The following RABGAP1L variants were observed in gnomAD, a reference collection of about 807,000 sequenced individuals.
RABGAP1L encodes rab GTPase-activating protein 1-like.
A neutral mutation model predicts 137.7 loss-of-function variants in RABGAP1L; 63 were observed. That is an observed-to-expected ratio of 0.46 (90% CI 0.37 to 0.56). The LOEUF is 0.56. Ranked by LOEUF, RABGAP1L falls within the 20% of genes least tolerant of loss-of-function variation. The pLI is 0.00. For missense variants in RABGAP1L, 1,095 were observed against 1,244.0 expected (o/e 0.88, Z 1.80); for synonymous variants, 431 against 433.7 (o/e 0.99, Z 0.08).
intron 18 of RABGAP1L, among the ~76,000 whole-genome samples, chr1:174,764,698 A>G (rs1400439503): frequency 6.6e-6 from 1 of 152,140 alleles, no homozygotes; most frequent in Non-Finnish European, 1.5e-5. Flanking sequence ...GCAACCTCCA[A>G]TTCCTAGACT....
intron 13 of RABGAP1L, among the ~76,000 whole-genome samples, chr1:174,420,704 T>G (rs1234390850): frequency 6.7e-6 from 1 of 149,502 alleles, no homozygotes; most frequent in East Asian, 1.9e-4. Flanking sequence ...AGACGGAGTC[T>G]TGCTCTGTCA....
At chr1:174,195,976 C>T (rs534212670) in intron 1 of RABGAP1L, among the ~76,000 whole-genome samples, 3 of 150,354 alleles carry the variant, frequency 2.0e-5, no homozygotes, top group Non-Finnish European at 4.4e-5. Context: ...GCTGGGATTA[C>T]AGGCATGCAC....
intron 19 of RABGAP1L, among the ~76,000 whole-genome samples, chr1:174,953,985 C>T (rs1055967742): frequency 8.5e-5 from 13 of 152,232 alleles, no homozygotes; most frequent in East Asian, 3.9e-4. Flanking sequence ...TCCGTGGGGA[C>T]GGTCCCCCTG....
intron 13 of RABGAP1L, among the ~76,000 whole-genome samples, chr1:174,486,203 T>C (rs1659616973): frequency 6.8e-6 from 1 of 147,928 alleles, no homozygotes; most frequent in African/African-American, 2.6e-5. Flanking sequence ...CCTCTGATTC[T>C]ATTTATTTGG....
chr1:174,190,105 C>A (rs573861409), intron 1 of RABGAP1L, among the ~76,000 whole-genome samples: 1 of 152,182 alleles, frequency 6.6e-6, no homozygotes, highest in East Asian at 1.9e-4. Flanking sequence ...GGGATGAAGA[C>A]CATCCTGGCC....
intron 13 of RABGAP1L, among the ~76,000 whole-genome samples, chr1:174,437,454 G>C (rs1236446364): frequency 1.3e-5 from 2 of 152,156 alleles, no homozygotes; most frequent in African/African-American, 4.8e-5. Flanking sequence ...CGATCAACTG[G>C]AAGAAAGGGT....
At chr1:174,194,447 G>A (rs1219110062) in intron 1 of RABGAP1L, among the ~76,000 whole-genome samples, 1 of 152,092 alleles carries the variant, frequency 6.6e-6, no homozygotes. Context: ...TGTTGGCCAT[G>A]CTGGTCTCAA....
At chr1:174,608,315 C>T (rs754419182) in intron 13 of RABGAP1L, among the ~76,000 whole-genome samples, 1 of 152,088 alleles carries the variant, frequency 6.6e-6, no homozygotes, top group Non-Finnish European at 1.5e-5. Flanking sequence ...GCCCCTACTA[C>T]ATTTAGGGTA....
At chr1:174,932,485 G>T (rs1405297941) in intron 19 of RABGAP1L, among the ~76,000 whole-genome samples, 1 of 151,980 alleles carries the variant, frequency 6.6e-6, no homozygotes. Flanking sequence ...AAGTGATGCT[G>T]TTTTTCTCAT....
intron 19 of RABGAP1L, among the ~76,000 whole-genome samples, chr1:174,943,877 G>T (rs1192233547): frequency 1.3e-5 from 2 of 152,132 alleles, no homozygotes; most frequent in East Asian, 1.9e-4. Context: ...CTCCTCCAGG[G>T]GATAGACTGT....
At chr1:174,708,842 AG>A (rs1680258972) in intron 17 of RABGAP1L, among the ~76,000 whole-genome samples, 1 of 152,176 alleles carries the variant, frequency 6.6e-6, no homozygotes, top group African/African-American at 2.4e-5. Flanking sequence ...TCCCCTGGAA[AG>A]GGGGCTGAAG....
At chr1:174,934,585 G>A (rs1295472114) in intron 19 of RABGAP1L, among the ~76,000 whole-genome samples, 1 of 151,996 alleles carries the variant, frequency 6.6e-6, no homozygotes, top group Non-Finnish European at 1.5e-5. Context: ...GAGCCCAGGA[G>A]TTTGAGACCA....
At position 174,536,986 on chromosome 1, in the gene RABGAP1L, T is replaced by G. The variant is rs190826498; in HGVS notation, c.1711-100389T>G. Among the ~76,000 whole-genome samples, 113 of 152,328 alleles carry G rather than the reference T, an allele frequency of 7.4e-4. No homozygotes were observed. In the East Asian group the frequency reaches 0.021, roughly 29 times the overall value. ...AAATTTTGAATTTGTAGAGCATAAG[T>G]AGATACTGACAATTTTTCTTGCTAC... On this transcript the variant is annotated intron_variant, in intron 13 of 25. Coordinates refer to ENST00000681986, the MANE Select transcript of RABGAP1L (RefSeq NM_001366446.1).
intron 13 of RABGAP1L, among the ~76,000 whole-genome samples, chr1:174,521,453 A>G (rs1663386439): frequency 1.3e-5 from 2 of 152,214 alleles, no homozygotes; most frequent in Non-Finnish European, 2.9e-5. Context: ...TTTTTGCTTC[A>G]TGAATTTTAT....
In RABGAP1L at chr1:174,691,457, A is replaced by C. The variant is rs542378353; in HGVS notation, c.1899+7861A>C. Among the ~76,000 whole-genome samples the C allele has an allele frequency of 3.3e-5, 5 of 152,346 alleles. No homozygotes were observed. The South Asian group carries it at 1.0e-3, about 32-fold the overall frequency. On this transcript the variant is annotated intron_variant, in intron 15 of 25. Transcript: ENST00000681986. Reference sequence around the variant, plus strand: ...TTAGTACAGATGGCAGATCATTATCAACATTTATTACCAAACGGTGATTAC... The same window carrying C: ...TTAGTACAGATGGCAGATCATTATCCACATTTATTACCAAACGGTGATTAC...
chr1:174,755,432 C>T (rs1458303194), intron 18 of RABGAP1L, among the ~76,000 whole-genome samples: 5 of 152,206 alleles, frequency 3.3e-5, no homozygotes, highest in African/African-American at 1.2e-4. Context: ...CTTAGCACTT[C>T]ATGTTGGGCA....
At chr1:174,776,305 GT>G in intron 18 of RABGAP1L, among the ~76,000 whole-genome samples, 1 of 152,190 alleles carries the variant, frequency 6.6e-6, no homozygotes, top group East Asian at 1.9e-4. Flanking sequence ...ACCCCGGTGG[GT>G]GGAGGTTGCA....
chr1:174,180,798 C>A (rs1480720558), intron 1 of RABGAP1L, among the ~76,000 whole-genome samples: 1 of 152,094 alleles, frequency 6.6e-6, no homozygotes, highest in Non-Finnish European at 1.5e-5. Context: ...AAAATAGTAC[C>A]TGGTAGCCTC....
intron 7 of RABGAP1L, among the ~76,000 whole-genome samples, chr1:174,267,159 C>T (rs1273602194): frequency 6.6e-6 from 1 of 152,004 alleles, no homozygotes; most frequent in African/African-American, 2.4e-5. Flanking sequence ...AGTTAGATGC[C>T]ACATCAAAAG....
Sources: gnomAD v4.1 joint callset for allele counts (sites outside exome capture counted in the v4.1 genomes callset) on GRCh38, gnomAD v4.1.1 for gene constraint, MANE v1.5 for transcripts, NCBI Gene and HGNC (gene_info 2026-07-23, HGNC 2026-07-21) for gene names.